Variants in FAM76A observed in about 807,000 individuals in gnomAD.
FAM76A encodes family with sequence similarity 76 member A.
FAM76A carries 32 observed loss-of-function variants against 46.2 expected under a neutral mutation model. The ratio of observed to expected loss-of-function variants is 0.69; its 90% confidence interval spans 0.52 to 0.93. The LOEUF is 0.93. Ranked by LOEUF, FAM76A falls within the 40% of genes least tolerant of loss-of-function variation. The pLI is 0.00. For missense variants in FAM76A, 274 were observed against 361.5 expected (o/e 0.76, Z 1.96); for synonymous variants, 137 against 127.0 (o/e 1.08, Z -0.53).
intron 1 of FAM76A, 80 bp downstream of exon 1, chr1:27,726,241 G>A: frequency 8.5e-7 from 1 of 1,172,478 alleles, no homozygotes; most frequent in Non-Finnish European, 1.1e-6. Flanking sequence ...GGGGACGCCC[G>A]GCGGGGTCCC....
At position 27,725,978 on chromosome 1, in the gene FAM76A, T is replaced by C. The variant is rs530774057; in HGVS notation, c.-103T>C. ...CCCGACCCGCCTGCGCCCGCCCGCCTGCCGCAGCCAGCAGCCTGCAGCCGC... is the reference window on the plus strand; with the variant it reads ...CCCGACCCGCCTGCGCCCGCCCGCCCGCCGCAGCCAGCAGCCTGCAGCCGC... On this transcript the variant is annotated 5_prime_UTR_variant, in exon 1 of 9. Coordinates refer to ENST00000373954, the MANE Select transcript of FAM76A (RefSeq NM_152660.3). The C allele has an allele frequency of 5.4e-5, 51 of 936,824 alleles. No individual in the cohort carries two copies. In the East Asian group the frequency reaches 1.7e-3, roughly 32 times the overall value. The allele number at this position is 936,824 out of a possible 1,614,324, so 58.0% of individuals were successfully genotyped here. A position where few individuals can be genotyped will look rare whatever the true frequency, so the allele number is the denominator to read the frequency against.
intron 5 of FAM76A, among the ~76,000 whole-genome samples, chr1:27,748,334 C>A (rs1268762727): frequency 6.6e-6 from 1 of 151,788 alleles, no homozygotes; most frequent in East Asian, 1.9e-4. Flanking sequence ...CAGTGTTAGC[C>A]AGGATGGTGT....
At chr1:27,748,469 G>GT (rs1162208303) in intron 5 of FAM76A, among the ~76,000 whole-genome samples, 1,272 of 112,624 alleles carry the variant, frequency 0.011, 20 homozygotes, top group East Asian at 0.029. Flanking sequence ...TCTTATTGAA[G>GT]TTTTTTTTTT....
At position 27,757,849 on chromosome 1, in the gene FAM76A, C is replaced by T. The variant is rs532464965; in HGVS notation, c.736-1677C>T. Among the ~76,000 whole-genome samples the T allele has an allele frequency of 6.6e-5, 10 of 152,110 alleles. No homozygotes were observed. The South Asian group carries it at 8.3e-4, about 13-fold the overall frequency. On this transcript the variant is annotated intron_variant, in intron 7 of 8. Coordinates refer to ENST00000373954, the MANE Select transcript of FAM76A (RefSeq NM_152660.3). ...AAAATTAGCTGGGCGTGGTGGTGGG[C>T]GCCTGTAGTCCCAGCTACTCGGGAG... is the stretch of plus-strand genomic sequence containing the variant.
chr1:27,743,381 T>G (rs2088187692), intron 4 of FAM76A, among the ~76,000 whole-genome samples: 1 of 152,220 alleles, frequency 6.6e-6, no homozygotes, highest in Non-Finnish European at 1.5e-5. Flanking sequence ...TTCGAACTCT[T>G]GGGCTCACGC....
intron 4 of FAM76A, among the ~76,000 whole-genome samples, chr1:27,737,098 C>A (rs1430856227): frequency 1.3e-5 from 2 of 151,966 alleles, no homozygotes; most frequent in Admixed American, 1.3e-4. Context: ...TACAGGCATG[C>A]GCCACCATGC....
At chr1:27,728,616 A>T (rs1160551265) in intron 2 of FAM76A, among the ~76,000 whole-genome samples, 1 of 151,548 alleles carries the variant, frequency 6.6e-6, no homozygotes, top group African/African-American at 2.4e-5. Context: ...GCCTCTCAAG[A>T]TGTTGGAATT....
chr1:27,736,868 C>G (rs915720960), intron 4 of FAM76A, among the ~76,000 whole-genome samples: 1 of 152,162 alleles, frequency 6.6e-6, no homozygotes, highest in African/African-American at 2.4e-5. Context: ...CTCAAGTGAT[C>G]AGCCCACCTC....
chr1:27,750,948 C>CGATT (rs1460013212), intron 6 of FAM76A, among the ~76,000 whole-genome samples: 22 of 152,316 alleles, frequency 1.4e-4, no homozygotes, highest in Non-Finnish European at 5.9e-5. Context: ...GCTGGTGAAT[C>CGATT]ACCCAGGAGT....
intron 5 of FAM76A, among the ~76,000 whole-genome samples, chr1:27,748,728 G>C (rs1294903239): frequency 6.7e-6 from 1 of 148,678 alleles, no homozygotes; most frequent in Non-Finnish European, 1.5e-5. Flanking sequence ...TGATCCGCCT[G>C]CCTCAGCCTC....
At chr1:27,752,845 TC>T (rs2088352593) in intron 6 of FAM76A, among the ~76,000 whole-genome samples, 1 of 152,166 alleles carries the variant, frequency 6.6e-6, no homozygotes, top group Non-Finnish European at 1.5e-5. Context: ...TTCTAGTAGT[TC>T]TTACTGAACC....
At chr1:27,733,877 G>A (rs2087999576) in intron 3 of FAM76A, among the ~76,000 whole-genome samples, 154 bp from the exon 4 acceptor site, 1 of 151,930 alleles carries the variant, frequency 6.6e-6, no homozygotes, top group Non-Finnish European at 1.5e-5. Flanking sequence ...AAAAAGAATT[G>A]GGCTTCATTT....
At chr1:27,731,546 C>T (rs1012331769) in intron 2 of FAM76A, among the ~76,000 whole-genome samples, 1 of 152,086 alleles carries the variant, frequency 6.6e-6, no homozygotes, top group Non-Finnish European at 1.5e-5. Flanking sequence ...TCTTTTTCCC[C>T]ACCTCTGGTG....
At chr1:27,748,127 T>G (rs1033907839) in intron 5 of FAM76A, among the ~76,000 whole-genome samples, 61 of 140,340 alleles carry the variant, frequency 4.3e-4, no homozygotes, top group Non-Finnish European at 7.9e-4. Flanking sequence ...GAAGTTTTTT[T>G]TTTTTTTTTT....
intron 5 of FAM76A, among the ~76,000 whole-genome samples, chr1:27,748,375 CG>C (rs2088277150): frequency 6.6e-6 from 1 of 151,464 alleles, no homozygotes; most frequent in Non-Finnish European, 1.5e-5. Flanking sequence ...CCATCCACCT[CG>C]GCCTCCCAAA....
chr1:27,738,857 A>G (rs911383154), intron 4 of FAM76A, among the ~76,000 whole-genome samples: 6 of 152,188 alleles, frequency 3.9e-5, no homozygotes, highest in African/African-American at 1.4e-4. Context: ...TTGAGTGGAA[A>G]CTAGGATGAT....
intron 4 of FAM76A, among the ~76,000 whole-genome samples, chr1:27,743,301 C>T (rs1020444677): frequency 6.6e-6 from 1 of 151,958 alleles, no homozygotes; most frequent in Non-Finnish European, 1.5e-5. Context: ...CAGGCATGCA[C>T]CACCACACCT....
intron 2 of FAM76A, among the ~76,000 whole-genome samples, chr1:27,729,207 ATTT>A: frequency 6.8e-6 from 1 of 146,998 alleles, no homozygotes; most frequent in South Asian, 2.2e-4. Flanking sequence ...TTTATCATGG[ATTT>A]TTTTTTTTCT....
chr1:27,733,940 A>G, intron 3 of FAM76A, 91 bp from the exon 4 acceptor site: 1 of 1,245,278 alleles, frequency 8.0e-7, no homozygotes, highest in Non-Finnish European at 1.1e-6. Flanking sequence ...TACCATGACT[A>G]ATGAACTACA....
Sources: allele counts gnomAD v4.1 joint callset (sites outside exome capture counted in the v4.1 genomes callset), GRCh38; gene constraint gnomAD v4.1.1; transcripts MANE v1.5; gene names NCBI Gene and HGNC (gene_info 2026-07-23, HGNC 2026-07-21).